SLC9B1: variants seen among roughly 807,000 people sequenced by gnomAD.
SLC9B1 encodes solute carrier family 9 member B1.
Under a neutral mutation model 51.7 loss-of-function variants are expected in SLC9B1, and 32 were observed. The ratio of observed to expected loss-of-function variants is 0.62; its 90% confidence interval spans 0.47 to 0.83. The LOEUF is 0.83. SLC9B1 is among the 40% of genes least tolerant of loss of function. SLC9B1 has a pLI of 0.00. For missense variants in SLC9B1, 406 were observed against 613.2 expected, an observed-to-expected ratio of 0.66 and a Z score of 3.57; for synonymous variants, 145 against 212.7, an observed-to-expected ratio of 0.68 and a Z score of 2.77.
intron 7 of SLC9B1, among the ~76,000 whole-genome samples, chr4:102,919,708 C>A (rs551710928): frequency 6.6e-6 from 1 of 151,070 alleles, no homozygotes; most frequent in African/African-American, 2.5e-5. Flanking sequence ...TGCCCAAATA[C>A]TGCACTTTTC....
intron 9 of SLC9B1, among the ~76,000 whole-genome samples, chr4:102,908,326 TTCA>T (rs1735157518): frequency 6.6e-6 from 1 of 152,344 alleles, no homozygotes; most frequent in African/African-American, 2.4e-5. Flanking sequence ...TATGTACATA[TTCA>T]TCACATGCAA....
At chr4:102,994,841 T>G (rs1160167574) in intron 1 of SLC9B1, among the ~76,000 whole-genome samples, 2 of 152,156 alleles carry the variant, frequency 1.3e-5, no homozygotes, top group Admixed American at 6.5e-5. Context: ...TCACTCATTA[T>G]CATGAGAACA....
At chr4:102,974,241 T>TAAAAAA (rs1560962155) in intron 3 of SLC9B1, among the ~76,000 whole-genome samples, 4 of 16,772 alleles carry the variant, frequency 2.4e-4, no homozygotes, top group African/African-American at 5.5e-4. Context: ...TGTCTAAAAT[T>TAAAAAA]GAAAAAAAAA....
At chr4:102,896,826 A>T (rs547216426), downstream of SLC9B1, 1 of 152,746 alleles carries the variant, frequency 6.5e-6, no homozygotes, top group South Asian at 2.1e-4. Flanking sequence ...TCTATTAAAA[A>T]ATGAAATGGA....
At chr4:102,968,900 G>A (rs1465651398) in intron 3 of SLC9B1, among the ~76,000 whole-genome samples, 4 of 152,218 alleles carry the variant, frequency 2.6e-5, no homozygotes. Flanking sequence ...CTGGCTCGGT[G>A]GGTCCCACGC....
chr4:102,983,242 C>T (rs1403055802), intron 3 of SLC9B1, among the ~76,000 whole-genome samples: 1 of 152,114 alleles, frequency 6.6e-6, no homozygotes, highest in African/African-American at 2.4e-5. Flanking sequence ...ATAAATCCCA[C>T]TTGGTCATGG....
intron 3 of SLC9B1, among the ~76,000 whole-genome samples, chr4:102,955,851 A>AAGAC (rs1252196534): frequency 6.7e-5 from 7 of 104,598 alleles, no homozygotes; most frequent in African/African-American, 2.5e-4. Context: ...GAGAGAAAGA[A>AAGAC]AGAAAGAAAG....
At chr4:102,909,018 G>C (rs1250396809) in intron 9 of SLC9B1, among the ~76,000 whole-genome samples, 3 of 152,268 alleles carry the variant, frequency 2.0e-5, no homozygotes, top group Admixed American at 6.5e-5. Context: ...GGATGGTGAG[G>C]TCATCTAATA....
intron 10 of SLC9B1, among the ~76,000 whole-genome samples, chr4:102,905,959 G>T (rs1735023633): frequency 6.6e-6 from 1 of 151,762 alleles, no homozygotes; most frequent in South Asian, 2.1e-4. Flanking sequence ...TTTTTGAGAA[G>T]GATTCTTGCT....
chr4:102,885,115 T>C, exon 12 of SLC9B1: 1 of 942,806 alleles, frequency 1.1e-6, no homozygotes, highest in Non-Finnish European at 1.7e-6. Context: ...AAGGAATTAA[T>C]GTAAAAAGTA....
chr4:102,993,544 G>A (rs988972556), intron 1 of SLC9B1, among the ~76,000 whole-genome samples: 1 of 152,200 alleles, frequency 6.6e-6, no homozygotes, highest in African/African-American at 2.4e-5. Context: ...CAGGCACATG[G>A]TGCAAGCTGC....
chr4:102,990,183 G>A (rs1303893448), intron 2 of SLC9B1, among the ~76,000 whole-genome samples: 1 of 151,888 alleles, frequency 6.6e-6, no homozygotes, highest in African/African-American at 2.4e-5. Flanking sequence ...TCAATCATTT[G>A]TGTATACTGA....
chr4:102,903,235 G>T (rs1403414872), intron 11 of SLC9B1, among the ~76,000 whole-genome samples: 1 of 152,032 alleles, frequency 6.6e-6, no homozygotes, highest in Non-Finnish European at 1.5e-5. Flanking sequence ...AAACAAAATT[G>T]CGAGAGTATT....
intron 3 of SLC9B1, among the ~76,000 whole-genome samples, chr4:102,949,740 A>G (rs141509441): frequency 0.016 from 2,430 of 152,296 alleles, 35 homozygotes; most frequent in Middle Eastern, 0.031. Context: ...AGGCTGGATC[A>G]CATGAGGTTC....
At chr4:102,903,383 G>A (rs1341054048) in intron 11 of SLC9B1, among the ~76,000 whole-genome samples, 1 of 152,150 alleles carries the variant, frequency 6.6e-6, no homozygotes, top group African/African-American at 2.4e-5. Flanking sequence ...ACCACCATAT[G>A]CCAGAGAGAG....
intron 6 of SLC9B1, among the ~76,000 whole-genome samples, chr4:102,932,738 A>G (rs1736521850): frequency 6.6e-6 from 1 of 152,208 alleles, no homozygotes. Context: ...GTGCTTCTAA[A>G]AGTGCTCCAA....
intron 11 of SLC9B1, among the ~76,000 whole-genome samples, chr4:102,894,132 A>G (rs13136616): frequency 0.58 from 88,146 of 152,050 alleles, 26,982 homozygotes; most frequent in African/African-American, 0.79. Flanking sequence ...TATATCAATA[A>G]ATGCTGAGAG....
In SLC9B1 at chr4:102,930,649, T is replaced by C. The variant is rs188054782; in HGVS notation, c.829+1475A>G. Among the ~76,000 whole-genome samples, 656 of 152,196 alleles carry C rather than the reference T, an allele frequency of 4.3e-3. 1 individual carries two copies. The highest frequency in any genetic ancestry group is 6.2e-3 in the Non-Finnish European group (422 of 68,002). ...GTCTTGAACTCCTGATCTCAAGTGATCCACCCTTCTTGGCCTCCCAAAGTG... is the reference window on the plus strand; with the variant it reads ...GTCTTGAACTCCTGATCTCAAGTGACCCACCCTTCTTGGCCTCCCAAAGTG... On this transcript the variant is annotated intron_variant, in intron 7 of 11. Transcript: ENST00000296422.
At chr4:102,932,971 T>C (rs1330628024) in intron 6 of SLC9B1, among the ~76,000 whole-genome samples, 2 of 151,984 alleles carry the variant, frequency 1.3e-5, no homozygotes, top group East Asian at 3.9e-4. Flanking sequence ...ATTTCTGGAG[T>C]GGTTGATGAC....
Sources: gnomAD v4.1 joint callset for allele counts (sites outside exome capture counted in the v4.1 genomes callset) on GRCh38, gnomAD v4.1.1 for gene constraint, MANE v1.5 for transcripts, NCBI Gene and HGNC (gene_info 2026-07-23, HGNC 2026-07-21) for gene names.